COLEC12: variants seen among roughly 807,000 people sequenced by gnomAD.
The protein encoded by COLEC12 is collectin-12.
COLEC12 carries 33 observed loss-of-function variants against 71.1 expected under a neutral mutation model. That is an observed-to-expected ratio of 0.46 (90% CI 0.35 to 0.62). COLEC12 has a LOEUF of 0.62. Among genes scored for constraint, COLEC12 ranks in the 20% least tolerant of loss-of-function variants. The probability of loss-of-function intolerance (pLI) is 0.00; values close to 1 mark genes in which losing one functional copy is unlikely to be tolerated. For missense variants in COLEC12, 765 were observed against 916.1 expected (o/e 0.84, Z 2.13); for synonymous variants, 350 against 353.0 (o/e 0.99, Z 0.10).
At chr18:337,272 T>C (rs1444601341) in intron 5 of COLEC12, among the ~76,000 whole-genome samples, 2 of 152,146 alleles carry the variant, frequency 1.3e-5, no homozygotes, top group Admixed American at 1.3e-4. Flanking sequence ...CCTTTATCCC[T>C]CCTGCTCCTT....
chr18:456,779 C>T (rs1034713197), intron 2 of COLEC12, among the ~76,000 whole-genome samples: 3 of 152,216 alleles, frequency 2.0e-5, no homozygotes, highest in Admixed American at 6.5e-5. Context: ...TGGCTGCTCG[C>T]TATTTTGAGT....
At position 349,893 on chromosome 18, in the gene COLEC12, C is replaced by T. The variant is rs141621822; in HGVS notation, c.182-1730G>A. Among the ~76,000 whole-genome samples the T allele has an allele frequency of 3.0e-3, 457 of 152,318 alleles. 2 individuals are homozygous for T. In the Middle Eastern group the frequency reaches 0.031, roughly 10 times the overall value. ...GGCTATATTTACCCAATACCTGTAACCCTCATTGTATCTAGGAAGTAACTA... is the reference window on the plus strand; with the variant it reads ...GGCTATATTTACCCAATACCTGTAATCCTCATTGTATCTAGGAAGTAACTA... On this transcript the variant is annotated intron_variant, in intron 3 of 9. Coordinates refer to ENST00000400256, the MANE Select transcript of COLEC12 (RefSeq NM_130386.3).
At chr18:437,960 T>G (rs1008931707) in intron 2 of COLEC12, among the ~76,000 whole-genome samples, 1 of 152,232 alleles carries the variant, frequency 6.6e-6, no homozygotes, top group African/African-American at 2.4e-5. Context: ...AGAAATAGAC[T>G]TTTTAGAAAT....
At chr18:410,253 T>C (rs890476154) in intron 2 of COLEC12, among the ~76,000 whole-genome samples, 7 of 152,148 alleles carry the variant, frequency 4.6e-5, no homozygotes, top group Non-Finnish European at 1.0e-4. Flanking sequence ...CAACTAAAAA[T>C]GAAAGTTCCA....
At chr18:450,832 T>C (rs1916746715) in intron 2 of COLEC12, among the ~76,000 whole-genome samples, 1 of 152,208 alleles carries the variant, frequency 6.6e-6, no homozygotes, top group Non-Finnish European at 1.5e-5. Flanking sequence ...ACCAAAATGC[T>C]GATAGTGATG....
chr18:349,339 G>T (rs1320091054), intron 3 of COLEC12, among the ~76,000 whole-genome samples: 2 of 152,238 alleles, frequency 1.3e-5, no homozygotes, highest in Non-Finnish European at 2.9e-5. Context: ...TTCATGTGTT[G>T]TTGAGCCTGT....
intron 1 of COLEC12, among the ~76,000 whole-genome samples, chr18:493,058 T>C (rs1163270323): frequency 1.3e-5 from 2 of 152,146 alleles, no homozygotes; most frequent in South Asian, 2.1e-4. Context: ...CAAAAATTAG[T>C]TGGCCATGGT....
chr18:328,648 TTTA>T (rs1360763922), intron 8 of COLEC12, among the ~76,000 whole-genome samples: 8 of 152,236 alleles, frequency 5.3e-5, no homozygotes, highest in African/African-American at 1.4e-4. Context: ...GCTATCACAC[TTTA>T]TTTTCACAAT....
At chr18:336,435 A>G (rs1337614326) in intron 5 of COLEC12, among the ~76,000 whole-genome samples, 1 of 152,244 alleles carries the variant, frequency 6.6e-6, no homozygotes, top group Non-Finnish European at 1.5e-5. Context: ...CATCCCCATT[A>G]TCCCACAAAG....
At chr18:404,133 T>C (rs1333737871) in intron 2 of COLEC12, among the ~76,000 whole-genome samples, 3 of 152,234 alleles carry the variant, frequency 2.0e-5, no homozygotes, top group Non-Finnish European at 4.4e-5. Flanking sequence ...AATGAAAGCA[T>C]TGCTAGATGA....
rs530578047 is a variant in COLEC12, at chr18:422,980, A to G, written c.58+57727T>C. Among the ~76,000 whole-genome samples, 17 of 152,368 alleles carry G rather than the reference A, an allele frequency of 1.1e-4. No individual in the cohort carries two copies. In the South Asian group the frequency reaches 1.5e-3, roughly 13 times the overall value. On this transcript the variant is annotated intron_variant, in intron 2 of 9. Coordinates refer to ENST00000400256, the MANE Select transcript of COLEC12 (RefSeq NM_130386.3). ...TTCCCACTCATTTGTTCAAAACAATATTTACTGGAGCTGGGTACAGTGGCT... is the reference window on the plus strand; with the variant it reads ...TTCCCACTCATTTGTTCAAAACAATGTTTACTGGAGCTGGGTACAGTGGCT...
chr18:437,683 G>A (rs550908702), intron 2 of COLEC12, among the ~76,000 whole-genome samples: 10 of 152,264 alleles, frequency 6.6e-5, no homozygotes, highest in South Asian at 2.1e-4. Flanking sequence ...GAGTCAACCC[G>A]GATGGTGATA....
chr18:489,149 A>C (rs1917575064), intron 1 of COLEC12, among the ~76,000 whole-genome samples: 1 of 152,142 alleles, frequency 6.6e-6, no homozygotes, highest in South Asian at 2.1e-4. Flanking sequence ...AGAGGAAAAA[A>C]ACAGATCATT....
intron 2 of COLEC12, among the ~76,000 whole-genome samples, chr18:460,735 C>T (rs558162503): frequency 6.6e-6 from 1 of 152,138 alleles, no homozygotes; most frequent in East Asian, 1.9e-4. Flanking sequence ...TCACCAACCT[C>T]CCCCAACAGT....
intron 2 of COLEC12, among the ~76,000 whole-genome samples, chr18:409,678 T>C (rs1476240770): frequency 3.3e-5 from 5 of 152,218 alleles, no homozygotes; most frequent in Non-Finnish European, 7.3e-5. Context: ...GCAATAATAC[T>C]AGAACATGTT....
At chr18:325,018 C>T (rs1232705924) in intron 8 of COLEC12, among the ~76,000 whole-genome samples, 3 of 151,882 alleles carry the variant, frequency 2.0e-5, no homozygotes, top group Non-Finnish European at 4.4e-5. Context: ...GTGAGACCAC[C>T]ATCTCTATAA....
At chr18:481,267 C>T (rs1403491499) in intron 1 of COLEC12, among the ~76,000 whole-genome samples, 2 of 152,144 alleles carry the variant, frequency 1.3e-5, no homozygotes, top group Non-Finnish European at 2.9e-5. Context: ...TCTCAGGAGC[C>T]GACATAACTC....
rs544850619 is a variant in COLEC12 at position 397,374 on chromosome 18, C to A, written c.59-39852G>T. 2.6e-5 allele frequency among the ~76,000 whole-genome samples: 4 copies of A among 152,256 alleles called. No individual in the cohort carries two copies. The South Asian group carries it at 6.2e-4, about 24-fold the overall frequency. On this transcript the variant is annotated intron_variant, in intron 2 of 9. Transcript: ENST00000400256. ...GGACCTAATAAATTATCTACACAGG[C>A]CATTATCATTACTTAATAGTCCAAG...
At chr18:344,579 G>C (rs1043881932) in intron 5 of COLEC12, among the ~76,000 whole-genome samples, 1 of 152,200 alleles carries the variant, frequency 6.6e-6, no homozygotes, top group Non-Finnish European at 1.5e-5. Flanking sequence ...TTGGCATACT[G>C]AACAGAGTCA....
Sources: allele counts gnomAD v4.1 joint callset (sites outside exome capture counted in the v4.1 genomes callset), GRCh38; gene constraint gnomAD v4.1.1; transcripts MANE v1.5; gene names NCBI Gene and HGNC (gene_info 2026-07-23, HGNC 2026-07-21).